Variants in WDFY4 observed in about 807,000 individuals in gnomAD.
WDFY4 encodes the protein WD repeat- and FYVE domain-containing protein 4.
A neutral mutation model predicts 351.9 loss-of-function variants in WDFY4; 169 were observed. The observed-to-expected ratio is 0.48, with a 90% CI of 0.42 to 0.55. WDFY4 has a LOEUF of 0.55. WDFY4 is among the 20% of genes least tolerant of loss of function. The pLI, the probability that WDFY4 is intolerant of heterozygous loss-of-function variation, is 0.00. For missense variants in WDFY4, 3,803 were observed against 3,935.6 expected (o/e 0.97, Z 0.90); for synonymous variants, 1,622 against 1,574.6 (o/e 1.03, Z -0.71).
chr10:48,746,728 T>C (rs1167721661), intron 12 of WDFY4, among the ~76,000 whole-genome samples: 1 of 152,224 alleles, frequency 6.6e-6, no homozygotes, highest in Non-Finnish European at 1.5e-5. Context: ...TTATAGTAGT[T>C]GCCCTAGAGT....
At chr10:48,719,159 A>G (rs553733566) in intron 2 of WDFY4, among the ~76,000 whole-genome samples, 2 of 150,746 alleles carry the variant, frequency 1.3e-5, no homozygotes, top group Non-Finnish European at 2.9e-5. Flanking sequence ...ACAAAATGAC[A>G]AACTCAAAAT....
At chr10:48,939,465 C>A (rs932044338) in intron 47 of WDFY4, among the ~76,000 whole-genome samples, 1 of 152,186 alleles carries the variant, frequency 6.6e-6, no homozygotes, top group Non-Finnish European at 1.5e-5. Flanking sequence ...GAATTTAGAT[C>A]CAGGTGTCCC....
chr10:48,706,318 C>A (rs1321415157), intron 1 of WDFY4, among the ~76,000 whole-genome samples: 1 of 152,168 alleles, frequency 6.6e-6, no homozygotes, highest in Non-Finnish European at 1.5e-5. Flanking sequence ...ATGTGGCTCT[C>A]AGTGGTAATT....
Position 48,814,035 on chromosome 10 carries a change from G to A in WDFY4, c.5293G>A (p.Glu1765Lys), listed in dbSNP as rs1468248279. 1 of 1,550,536 alleles carries A rather than the reference G, an allele frequency of 6.4e-7. No homozygotes were observed. The highest frequency in any genetic ancestry group is 2.4e-5 in the East Asian group (1 of 40,866). Residue 1765 changes from glutamate to lysine, a missense_variant, in exon 31 of 62, where the codon GAA (glutamate) becomes AAA (lysine). Glu to Lys is a moderately conservative substitution (Grantham distance 56). Coordinates refer to ENST00000325239, the MANE Select transcript of WDFY4 (RefSeq NM_001394531.1). ...EEVLQAGLCTEGALLLLEMLK... is the reference protein window; with the variant it reads ...EEVLQAGLCTKGALLLLEMLK... The stretch of plus-strand genomic sequence containing the variant: ...AGTCCTCCAGGCTGGGCTGTGCACA[G>A]AAGGTGCCTTGCTCCTCCTGGAAAT...
intron 43 of WDFY4, among the ~76,000 whole-genome samples, chr10:48,879,730 G>A (rs544720610): frequency 3.9e-4 from 59 of 152,232 alleles, no homozygotes; most frequent in African/African-American, 1.4e-3. Flanking sequence ...GCTTCTGTAG[G>A]TCTGAGCTCC....
intron 1 of WDFY4, among the ~76,000 whole-genome samples, chr10:48,694,673 C>A (rs1472913383): frequency 1.3e-5 from 2 of 152,158 alleles, no homozygotes; most frequent in Non-Finnish European, 2.9e-5. Flanking sequence ...TCCGGACTCT[C>A]TGCAGGGCCC....
intron 2 of WDFY4, among the ~76,000 whole-genome samples, chr10:48,716,131 G>T (rs1281422941): frequency 6.6e-6 from 1 of 151,954 alleles, no homozygotes; most frequent in Admixed American, 6.6e-5. Flanking sequence ...CAGAGGAGAG[G>T]GTCTACTGCA....
At chr10:48,759,654 T>C (rs1471037125) in intron 12 of WDFY4, among the ~76,000 whole-genome samples, 1 of 152,198 alleles carries the variant, frequency 6.6e-6, no homozygotes, top group Non-Finnish European at 1.5e-5. Context: ...CTCTGTGACC[T>C]GTAAAACCTC....
chr10:48,929,065 C>G (rs1839823808), intron 47 of WDFY4, among the ~76,000 whole-genome samples: 1 of 152,066 alleles, frequency 6.6e-6, no homozygotes, highest in Non-Finnish European at 1.5e-5. Flanking sequence ...GGAAGATGCG[C>G]TTTTTTAGAA....
At chr10:48,703,467 G>T (rs1346758080) in intron 1 of WDFY4, among the ~76,000 whole-genome samples, 1 of 152,236 alleles carries the variant, frequency 6.6e-6, no homozygotes, top group Non-Finnish European at 1.5e-5. Context: ...AGTTGCAGAG[G>T]CTGACAAGAA....
At position 48,723,593 on chromosome 10, in the gene WDFY4, C is replaced by T. The variant is rs756557928; in HGVS notation, c.591+26C>T. ...GTGAGTTCAAGGAGGGCCTCCAATT[C>T]CCTGGGTCAAAACCTCACTTCGGGG... On this transcript the variant is annotated intron_variant, in intron 5 of 61. Transcript: ENST00000325239. 48 of 1,551,014 alleles carry T rather than the reference C, an allele frequency of 3.1e-5. 1 individual carries two copies. In the African/African-American group the frequency reaches 4.9e-4, roughly 16 times the overall value.
intron 61 of WDFY4, 33 bp downstream of exon 61, chr10:48,981,511 C>A (rs1445263100): frequency 2.6e-6 from 4 of 1,544,666 alleles, no homozygotes; most frequent in Middle Eastern, 1.8e-4. Context: ...GGGTCTCCAG[C>A]AGAGGGCACT....
At position 48,774,564 on chromosome 10, in the gene WDFY4, T is replaced by A. The variant is rs1239568754; in HGVS notation, c.2660T>A (p.Met887Lys). ...MCEAGLLGTL[M>K]ASCHRALVTS... ...GAAGCAGGCTTGCTTGGGACCCTCA[T>A]GGCCTCCTGCCACAGGGCCCTGGTC... The change falls in exon 14 of 62, where the codon ATG becomes AAG. Residue 887 changes from methionine (M) to lysine (K), a missense_variant. By Grantham distance (95) the Met-to-Lys change is moderately conservative. This residue lies in a region of WDFY4 where 3,054 missense variants were observed against 3,148.6 expected (regional missense o/e 0.97). Transcript: ENST00000325239. 1 of 1,551,440 alleles carries A rather than the reference T, an allele frequency of 6.4e-7. No individual in the cohort carries two copies. The highest frequency in any genetic ancestry group is 2.4e-5 in the East Asian group (1 of 40,926).
chr10:48,969,165 C>T lies in WDFY4; in HGVS notation c.8686C>T (p.Leu2896=). The T allele has an allele frequency of 6.4e-7, 1 of 1,551,742 alleles. No homozygotes were observed. The highest frequency in any genetic ancestry group is 8.7e-7 in the Non-Finnish European group (1 of 1,146,976). The change falls in exon 56 of 62, where the codon CTG becomes TTG. Residue 2896 remains leucine (L), a synonymous_variant. Coordinates refer to ENST00000325239, the MANE Select transcript of WDFY4 (RefSeq NM_001394531.1). Reference sequence around the variant, plus strand: ...TCTGGCTGTAGAGAGGAACAAAGTGCTGCTGCCTCCTCTCTGGAACAGGAC... The same window carrying T: ...TCTGGCTGTAGAGAGGAACAAAGTGTTGCTGCCTCCTCTCTGGAACAGGAC... ...TILAVERNKV[L]LPPLWNRTFS... is the part of the protein sequence containing the mutation.
chr10:48,742,866 G>A (rs538066675), intron 11 of WDFY4, 102 bp from the exon 12 acceptor site: 53 of 1,110,182 alleles, frequency 4.8e-5, no homozygotes, highest in South Asian at 4.4e-4. Context: ...GCCTGAAGTC[G>A]TTGAGGGAAG....
chr10:48,904,185 G>C (rs1245918881), intron 47 of WDFY4, among the ~76,000 whole-genome samples: 2 of 152,234 alleles, frequency 1.3e-5, no homozygotes, highest in Non-Finnish European at 2.9e-5. Context: ...TTTATAGATT[G>C]TGGTGAAGTG....
chr10:48,942,802 T>C (rs1028601431), intron 48 of WDFY4, among the ~76,000 whole-genome samples: 4 of 152,194 alleles, frequency 2.6e-5, no homozygotes, highest in African/African-American at 9.7e-5. Context: ...CTGTCTCCAT[T>C]TGTGACTGTT....
intron 44 of WDFY4, among the ~76,000 whole-genome samples, chr10:48,891,758 C>T (rs939830227): frequency 4.6e-5 from 7 of 152,306 alleles, no homozygotes; most frequent in Non-Finnish European, 1.0e-4. Context: ...TGGTCTGGGA[C>T]CACACTTTGA....
intron 10 of WDFY4, 42 bp downstream of exon 10, chr10:48,734,077 A>G: frequency 6.7e-7 from 1 of 1,502,612 alleles, no homozygotes; most frequent in Non-Finnish European, 9.1e-7. Context: ...GCTTGGTAAA[A>G]CATGAACTCT....
Sources: allele counts gnomAD v4.1 joint callset (sites outside exome capture counted in the v4.1 genomes callset), GRCh38; gene constraint gnomAD v4.1.1; regional missense constraint gnomAD v4.1.1; transcripts MANE v1.5; gene names NCBI Gene and HGNC (gene_info 2026-07-23, HGNC 2026-07-21).